Variants in MRPL39 observed in about 807,000 individuals in gnomAD.
MRPL39 encodes the protein large ribosomal subunit protein mL39.
A neutral mutation model predicts 44.5 loss-of-function variants in MRPL39; 35 were observed. The ratio of observed to expected loss-of-function variants is 0.79; its 90% CI spans 0.60 to 1.04. The LOEUF is 1.04. Among genes scored for constraint, MRPL39 ranks in the 50% least tolerant of loss-of-function variants. MRPL39 has a pLI of 0.00. For missense variants in MRPL39, 433 were observed against 413.5 expected, an observed-to-expected ratio of 1.05 and a Z score of -0.41; for synonymous variants, 139 against 136.1, an observed-to-expected ratio of 1.02 and a Z score of -0.15.
At position 25,602,022 on chromosome 21, in the gene MRPL39, C is replaced by T. The variant is rs138778280; in HGVS notation, c.421-555G>A. Among the ~76,000 whole-genome samples the T allele has an allele frequency of 1.8e-4, 27 of 152,260 alleles. 1 individual carries two copies. The East Asian group carries it at 4.8e-3, about 27-fold the overall frequency. ...GCCTGATATGGTATCAGAGCAATGA[C>T]CTGATCAGTCACAAGGAGAAACCTG... On this transcript the variant is annotated intron_variant, in intron 3 of 9. Transcript: ENST00000352957.
chr21:25,597,223 A>C (rs1383149217), intron 6 of MRPL39, 79 bp downstream of exon 6: 5 of 921,504 alleles, frequency 5.4e-6, no homozygotes, highest in Non-Finnish European at 8.3e-6. Flanking sequence ...CAAATATAAA[A>C]ATTTTTAAGA....
At chr21:25,604,657 C>A (rs576458552) in intron 2 of MRPL39, among the ~76,000 whole-genome samples, 3 of 150,764 alleles carry the variant, frequency 2.0e-5, no homozygotes, top group African/African-American at 2.5e-5. Flanking sequence ...TCCCAGAATG[C>A]AATGCCAACT....
intron 9 of MRPL39, among the ~76,000 whole-genome samples, chr21:25,586,938 A>T (rs1296073367): frequency 6.6e-6 from 1 of 152,208 alleles, no homozygotes; most frequent in Non-Finnish European, 1.5e-5. Context: ...TGAGGCAGCA[A>T]GTAAATTTTG....
chr21:25,603,116 G>A (rs1281082953), intron 3 of MRPL39, among the ~76,000 whole-genome samples: 1 of 152,134 alleles, frequency 6.6e-6, no homozygotes, highest in African/African-American at 2.4e-5. Flanking sequence ...ATGAAAAATT[G>A]AGTCAATTAA....
chr21:25,604,083 C>A, intron 2 of MRPL39, 148 bp from the exon 3 acceptor site: 5 of 684,704 alleles, frequency 7.3e-6, no homozygotes, highest in Non-Finnish European at 9.2e-6. Context: ...CGTCTATAAT[C>A]AATTAAAAAA....
At chr21:25,597,514 A>G in intron 5 of MRPL39, 100 bp from the exon 6 acceptor site, 1 of 587,028 alleles carries the variant, frequency 1.7e-6, no homozygotes, top group South Asian at 2.8e-5. Context: ...TGCAAATCCA[A>G]CTAAAATAAA....
chr21:25,596,918 A>C (rs1280878130), intron 6 of MRPL39, among the ~76,000 whole-genome samples: 1 of 152,234 alleles, frequency 6.6e-6, no homozygotes, highest in East Asian at 1.9e-4. Flanking sequence ...GCCCCCTCCC[A>C]AACTGCTTGC....
intron 9 of MRPL39, chr21:25,587,652 T>C (rs543724071): frequency 3.0e-6 from 4 of 1,311,994 alleles, no homozygotes; most frequent in South Asian, 1.2e-5. Context: ...TATGTGGACA[T>C]ATACAATCAA....
chr21:25,598,452 A>AAGAG (rs56970945), intron 5 of MRPL39, among the ~76,000 whole-genome samples: 85,502 of 146,160 alleles, frequency 0.58, 25,603 homozygotes, highest in Non-Finnish European at 0.65. Flanking sequence ...AAAAAAAAAA[A>AAGAG]AGAGAGAGAA....
Position 25,588,876 on chromosome 21 carries a change from A to C in MRPL39, c.928T>G (p.Phe310Val), listed in dbSNP as rs756530637. The change falls in exon 9 of 10, where the codon TTT becomes GTT. Residue 310 changes from phenylalanine to valine, a missense_variant. By Grantham distance (50) the Phe-to-Val change is conservative. Transcript: ENST00000352957. Reference protein sequence around the residue: ...VSLPVHLRAHFTIWDKLLERS... With the variant: ...VSLPVHLRAHVTIWDKLLERS... ...TCCAATAGCTTATCCCATATTGTAA[A>C]ATGTGCCTTGAAAAGAAAAGATTTG... The C allele has an allele frequency of 1.2e-6, 2 of 1,612,944 alleles. No homozygotes were observed. Among genetic ancestry groups the C allele is most frequent in the Admixed American group, 1.7e-5 (1 of 59,960 alleles).
In MRPL39 at chr21:25,603,658, A is replaced by C. The variant is rs2031582816; in HGVS notation, c.420+138T>G. On this transcript the variant is annotated intron_variant, in intron 3 of 9. Coordinates refer to ENST00000352957, the MANE Select transcript of MRPL39 (RefSeq NM_017446.4). Reference sequence around the variant, plus strand: ...GAACTACAAAAGTGCCTAATCTAACAGGTAAAACATTGACTAAAGAGTACG... The same window carrying C: ...GAACTACAAAAGTGCCTAATCTAACCGGTAAAACATTGACTAAAGAGTACG... 1.0e-5 allele frequency: 9 copies of C among 881,064 alleles called. No homozygotes were observed. The East Asian group carries it at 2.2e-4, about 21-fold the overall frequency. The allele number at this position is 881,064 out of a possible 1,614,324, so 54.6% of individuals were successfully genotyped here.
At position 25,599,811 on chromosome 21, in the gene MRPL39, C is replaced by G; in HGVS notation, c.576G>C (p.Trp192Cys). The G allele has an allele frequency of 6.2e-7, 1 of 1,612,384 alleles. No homozygotes were observed. The highest frequency in any genetic ancestry group is 8.5e-7 in the Non-Finnish European group (1 of 1,178,662). Residue 192 changes from tryptophan to cysteine, a missense_variant, in exon 5 of 10, where the codon TGG becomes TGC. Transcript: ENST00000352957. ...AGAATACACTTACTTTTGTTGGCATCCACTCATCAAGTTTGCTATCCAAAA... is the reference window on the plus strand; with the variant it reads ...AGAATACACTTACTTTTGTTGGCATGCACTCATCAAGTTTGCTATCCAAAA... The part of the protein sequence containing the change: ...DVVLDSKLDE[W>C]MPTKENLRSF...
At chr21:25,600,977 G>A (rs1016951416) in intron 4 of MRPL39, among the ~76,000 whole-genome samples, 2 of 151,788 alleles carry the variant, frequency 1.3e-5, no homozygotes, top group South Asian at 2.1e-4. Flanking sequence ...GCGTGGTGGC[G>A]CGCGCCTGTA....
rs2031270975 is a variant in MRPL39 at position 25,594,151 on chromosome 21, G to A, written c.702-193C>T. Among the ~76,000 whole-genome samples, 4 of 151,730 alleles carry A rather than the reference G, an allele frequency of 2.6e-5. No individual in the cohort carries two copies. The South Asian group carries it at 8.3e-4, about 32-fold the overall frequency. The stretch of plus-strand genomic sequence containing the variant: ...CAACAAAGTCACAGACCTGCTTGGT[G>A]TCAACCCAGTGGACATTTTTTGGTC... On this transcript the variant is annotated intron_variant, in intron 6 of 9. Coordinates refer to ENST00000352957, the MANE Select transcript of MRPL39 (RefSeq NM_017446.4).
chr21:25,599,968 T>C, intron 4 of MRPL39, 102 bp from the exon 5 acceptor site: 1 of 842,062 alleles, frequency 1.2e-6, no homozygotes, highest in Non-Finnish European at 2.0e-6. Flanking sequence ...GGATTAGCAC[T>C]CTCTCCCAAC....
At chr21:25,601,235 A>T in intron 4 of MRPL39, 133 bp downstream of exon 4, 2 of 433,860 alleles carry the variant, frequency 4.6e-6, no homozygotes, top group Non-Finnish European at 8.3e-6. Context: ...TCATAGTAAG[A>T]AAGATTTTGT....
In MRPL39 at chr21:25,606,622, G is replaced by C. The variant is rs1283147497; in HGVS notation, c.107C>G (p.Ser36Ter). 1.9e-6 allele frequency: 3 copies of C among 1,613,806 alleles called. No individual in the cohort carries two copies. The highest frequency in any genetic ancestry group is 2.5e-6 in the Non-Finnish European group (3 of 1,179,732). The change falls in exon 2 of 10, where the codon TCA becomes TGA. Residue 36 changes from serine to a stop codon, truncating the protein, a stop_gained. Transcript: ENST00000352957. LOFTEE classifies it high-confidence loss of function. The part of the protein sequence containing the change: ...FIATSSASQL[S>*]PTELTEMRND... ...CCGCATTTCTGTCAATTCTGTCGGT[G>C]ACAGCTGAGAAGCTGACGATGTTGC...
chr21:25,596,100 A>AT (rs879512644), intron 6 of MRPL39, among the ~76,000 whole-genome samples: 377 of 144,688 alleles, frequency 2.6e-3, no homozygotes, highest in Admixed American at 4.1e-3. Flanking sequence ...ATGAGTAAAA[A>AT]TTTTTTTTTT....
Position 25,597,330 on chromosome 21 carries a change from C to T in MRPL39, c.673G>A (p.Val225Met). Residue 225 changes from valine to methionine, a missense_variant, in exon 6 of 10, where the codon GTG becomes ATG. Transcript: ENST00000352957. Reference sequence around the variant, plus strand: ...CTGTGTTGAAATATTTCCAATGCCACTTTTGCTTCAACTTCCAGAGTTTCA... The same window carrying T: ...CTGTGTTGAAATATTTCCAATGCCATTTTTGCTTCAACTTCCAGAGTTTCA... ...PFETLEVEAK[V>M]ALEIFQHSKY... 6.2e-7 allele frequency: 1 copy of T among 1,600,012 alleles called. No individual in the cohort carries two copies. The highest frequency in any genetic ancestry group is 8.5e-7 in the Non-Finnish European group (1 of 1,170,844).
Sources: gnomAD v4.1 joint callset for allele counts (sites outside exome capture counted in the v4.1 genomes callset) on GRCh38, gnomAD v4.1.1 for gene constraint, MANE v1.5 for transcripts, NCBI Gene and HGNC (gene_info 2026-07-23, HGNC 2026-07-21) for gene names.